TANC1: variants seen among roughly 807,000 people sequenced by gnomAD.
TANC1 encodes the protein tetratricopeptide repeat, ankyrin repeat and coiled-coil containing 1, also known as protein TANC1.
In TANC1, 77 loss-of-function variants were observed where a neutral mutation model predicts 149.7. The observed-to-expected ratio is 0.51, with a 90% confidence interval of 0.43 to 0.62. The LOEUF (loss-of-function observed/expected upper bound fraction) is 0.62. TANC1 is among the 20% of genes least tolerant of loss of function. The pLI is 0.00. For missense variants in TANC1, 1,985 were observed against 2,321.8 expected, an observed-to-expected ratio of 0.85 and a Z score of 2.98; for synonymous variants, 854 against 925.0, an observed-to-expected ratio of 0.92 and a Z score of 1.39.
chr2:158,988,333 A>G (rs1056000816), intron 1 of TANC1, among the ~76,000 whole-genome samples: 1 of 151,824 alleles, frequency 6.6e-6, no homozygotes, highest in African/African-American at 2.4e-5. Flanking sequence ...CCCAAAAAAA[A>G]AAAAAAAAAA....
intron 3 of TANC1, among the ~76,000 whole-genome samples, chr2:159,068,774 G>C (rs890630011): frequency 1.3e-5 from 2 of 152,190 alleles, no homozygotes; most frequent in Non-Finnish European, 2.9e-5. Context: ...GACAGACTCT[G>C]TTACCCAGGC....
At chr2:159,075,606 CATA>C (rs746386677) in intron 3 of TANC1, among the ~76,000 whole-genome samples, 1 of 152,014 alleles carries the variant, frequency 6.6e-6, no homozygotes, top group Non-Finnish European at 1.5e-5. Context: ...AGAAAACACT[CATA>C]ATACTTACAA....
At chr2:159,173,883 T>A (rs1346052434) in intron 11 of TANC1, among the ~76,000 whole-genome samples, 2 of 152,220 alleles carry the variant, frequency 1.3e-5, no homozygotes, top group African/African-American at 4.8e-5. Context: ...CTTTTGCCAC[T>A]TGCCTTTTAA....
intron 2 of TANC1, among the ~76,000 whole-genome samples, chr2:159,009,075 C>A (rs1382749419): frequency 1.3e-5 from 2 of 152,110 alleles, no homozygotes; most frequent in African/African-American, 2.4e-5. Context: ...TCTTGAATAA[C>A]TAAGAGCAGG....
chr2:159,117,009 T>C (rs2048332815), intron 4 of TANC1, among the ~76,000 whole-genome samples: 1 of 152,194 alleles, frequency 6.6e-6, no homozygotes, highest in South Asian at 2.1e-4. Context: ...TCGATCACTC[T>C]CGAAAGGTGC....
intron 5 of TANC1, among the ~76,000 whole-genome samples, chr2:159,140,706 T>C (rs1454730467): frequency 6.7e-6 from 1 of 149,984 alleles, no homozygotes; most frequent in Non-Finnish European, 1.5e-5. Flanking sequence ...TTTTTTTTTT[T>C]TGAGATGGAG....
intron 8 of TANC1, among the ~76,000 whole-genome samples, chr2:159,164,764 A>G (rs952304355): frequency 6.6e-6 from 1 of 152,198 alleles, no homozygotes; most frequent in African/African-American, 2.4e-5. Context: ...TTCTTTTACA[A>G]TGGGACTCTG....
rs147879009 is a variant in TANC1 at position 159,112,691 on chromosome 2, T to A, written c.259+14857T>A. ...CCTGGGTGTAAGCAGTCCTCCCACC[T>A]GGGTCTCCTGAGTAGCTAGGACTAC... is the stretch of plus-strand genomic sequence containing the variant. On this transcript the variant is annotated intron_variant, in intron 4 of 26. Transcript: ENST00000263635. 4.0e-5 allele frequency among the ~76,000 whole-genome samples: 6 copies of A among 151,786 alleles called. No homozygotes were observed. The East Asian group carries it at 9.7e-4, about 25-fold the overall frequency.
At chr2:158,996,420 T>TA (rs993733669) in intron 1 of TANC1, among the ~76,000 whole-genome samples, 11 of 152,234 alleles carry the variant, frequency 7.2e-5, no homozygotes, top group Admixed American at 7.2e-4. Context: ...AGACATATGT[T>TA]AAATAAATGC....
At chr2:159,066,321 G>A (rs2042663340) in intron 3 of TANC1, among the ~76,000 whole-genome samples, 2 of 152,168 alleles carry the variant, frequency 1.3e-5, no homozygotes, top group Non-Finnish European at 1.5e-5. Context: ...GGCTCTGGCA[G>A]GAGGATCTCT....
At chr2:159,036,817 C>T (rs745601366) in intron 2 of TANC1, among the ~76,000 whole-genome samples, 5 of 152,226 alleles carry the variant, frequency 3.3e-5, no homozygotes, top group Admixed American at 2.0e-4. Flanking sequence ...CCACAATAAA[C>T]ATACATGTGC....
At chr2:159,003,688 C>T (rs1268332451) in intron 2 of TANC1, among the ~76,000 whole-genome samples, 2 of 152,232 alleles carry the variant, frequency 1.3e-5, no homozygotes, top group African/African-American at 2.4e-5. Context: ...TAGGCTGCCT[C>T]GGAGAGGGAG....
At chr2:159,201,954 TCTC>T (rs2058278533) in intron 19 of TANC1, among the ~76,000 whole-genome samples, 1 of 152,222 alleles carries the variant, frequency 6.6e-6, no homozygotes, top group African/African-American at 2.4e-5. Context: ...GCCCATCTCT[TCTC>T]TGCCATTGCC....
At chr2:159,204,583 G>A (rs1379060245) in intron 19 of TANC1, among the ~76,000 whole-genome samples, 7 of 152,126 alleles carry the variant, frequency 4.6e-5, no homozygotes, top group Admixed American at 4.6e-4. Context: ...CTCCTCAGAG[G>A]TCCTTCTGTT....
At chr2:159,030,345 T>C (rs533196180) in intron 2 of TANC1, among the ~76,000 whole-genome samples, 1 of 152,330 alleles carries the variant, frequency 6.6e-6, no homozygotes, top group South Asian at 2.1e-4. Context: ...GGTTGCTGTT[T>C]TTTATGTTAT....
intron 4 of TANC1, among the ~76,000 whole-genome samples, chr2:159,116,712 CT>C (rs1232739331): frequency 1.3e-5 from 2 of 152,162 alleles, no homozygotes; most frequent in African/African-American, 4.8e-5. Context: ...AATTTGGCCC[CT>C]GGGCTGTAGT....
At chr2:159,159,137 T>C (rs1227835992) in intron 7 of TANC1, among the ~76,000 whole-genome samples, 2 of 152,194 alleles carry the variant, frequency 1.3e-5, no homozygotes, top group African/African-American at 4.8e-5. Context: ...TTGCTGATTC[T>C]ATTTTAAGTG....
intron 4 of TANC1, among the ~76,000 whole-genome samples, chr2:159,109,631 T>A (rs1286125132): frequency 3.3e-5 from 5 of 152,202 alleles, no homozygotes; most frequent in Non-Finnish European, 7.3e-5. Flanking sequence ...AATTGATAAG[T>A]CATAAATTGC....
chr2:159,193,647 C>G (rs1244511629), intron 16 of TANC1, among the ~76,000 whole-genome samples: 2 of 152,122 alleles, frequency 1.3e-5, no homozygotes, highest in Non-Finnish European at 2.9e-5. Context: ...GCCTCAGCCT[C>G]CCAAGTAGCT....
Sources: allele counts gnomAD v4.1 joint callset (sites outside exome capture counted in the v4.1 genomes callset), GRCh38; gene constraint gnomAD v4.1.1; transcripts MANE v1.5; gene names NCBI Gene and HGNC (gene_info 2026-07-23, HGNC 2026-07-21).